DNAH3: variants seen among roughly 807,000 people sequenced by gnomAD.
DNAH3 encodes dynein axonemal heavy chain 3.
DNAH3 carries 332 observed loss-of-function variants against 432.5 expected under a neutral mutation model. That is an observed-to-expected ratio of 0.77 (90% CI 0.70 to 0.84). DNAH3 has a LOEUF of 0.84. DNAH3 is among the 40% of genes least tolerant of loss of function. The pLI is 0.00. For synonymous variants in DNAH3, 1,956 were observed against 1,900.2 expected (o/e 1.03, Z -0.76); for missense variants, 4,861 against 5,114.0 (o/e 0.95, Z 1.51).
intron 31 of DNAH3, among the ~76,000 whole-genome samples, chr16:21,042,811 T>A (rs2089507898): frequency 6.6e-6 from 1 of 152,164 alleles, no homozygotes; most frequent in South Asian, 2.1e-4. Context: ...CCCGATGCTA[T>A]CCCTCCCCAC....
Position 20,969,780 on chromosome 16 carries a change from G to C in DNAH3, c.8458+12C>G. The C allele has an allele frequency of 6.2e-7, 1 of 1,613,876 alleles. No homozygotes were observed. Among genetic ancestry groups the C allele is most frequent in the South Asian group, 1.1e-5 (1 of 91,062 alleles). Reference sequence around the variant, plus strand: ...GCAGCCTGTGCAGGCATCTGGGTGGGGTGGCACTTACCGGAGCCACTGGGG... The same window carrying C: ...GCAGCCTGTGCAGGCATCTGGGTGGCGTGGCACTTACCGGAGCCACTGGGG... On this transcript the variant is annotated intron_variant, in intron 52 of 61. Coordinates refer to ENST00000261383, the Ensembl canonical transcript of DNAH3.
chr16:21,018,246 T>G (rs1382878658), intron 41 of DNAH3, among the ~76,000 whole-genome samples: 1 of 152,234 alleles, frequency 6.6e-6, no homozygotes, highest in Non-Finnish European at 1.5e-5. Context: ...CTCATGGCCC[T>G]TGATACATGT....
intron 44 of DNAH3, chr16:20,997,001 C>T (rs2086789488): frequency 3.1e-6 from 1 of 322,700 alleles, no homozygotes; most frequent in African/African-American, 2.1e-5. Flanking sequence ...ATGGAGCCTC[C>T]CTCCCGGAAC....
intron 7 of DNAH3, among the ~76,000 whole-genome samples, chr16:21,132,544 T>TGGC (rs1199886797): frequency 6.6e-6 from 1 of 152,192 alleles, no homozygotes; most frequent in African/African-American, 2.4e-5. Context: ...ATCCAATGGA[T>TGGC]TAGTATGCCG....
chr16:21,090,386 A>C (rs1236747212), intron 18 of DNAH3, among the ~76,000 whole-genome samples: 29 of 139,786 alleles, frequency 2.1e-4, no homozygotes, highest in Admixed American at 5.5e-4. Context: ...AAAAAAAAAA[A>C]CCCTACAGAC....
chr16:21,131,626 G>A (rs1252356353), intron 7 of DNAH3, among the ~76,000 whole-genome samples: 3 of 151,894 alleles, frequency 2.0e-5, no homozygotes, highest in African/African-American at 7.3e-5. Context: ...GAGGCAGGTG[G>A]ATCACCTGAG....
At chr16:20,963,228 T>C in intron 53 of DNAH3, 56 bp downstream of exon 53, 1 of 1,521,998 alleles carries the variant, frequency 6.6e-7, no homozygotes, top group Non-Finnish European at 9.0e-7. Flanking sequence ...GGGCTACTGA[T>C]ATCCACCCAC....
intron 36 of DNAH3, among the ~76,000 whole-genome samples, chr16:21,031,719 A>G (rs942410258): frequency 6.6e-6 from 1 of 152,166 alleles, no homozygotes; most frequent in Non-Finnish European, 1.5e-5. Flanking sequence ...AAATAGGGCA[A>G]ATGTGCCAGT....
chr16:21,097,729 T>A (rs1167784767), intron 17 of DNAH3, among the ~76,000 whole-genome samples: 1 of 152,232 alleles, frequency 6.6e-6, no homozygotes, highest in African/African-American at 2.4e-5. Context: ...GATAATCAGC[T>A]ACTTGCCCTA....
At chr16:20,963,201 T>A (rs1427750241) in intron 53 of DNAH3, 83 bp downstream of exon 53, 2 of 1,340,562 alleles carry the variant, frequency 1.5e-6, no homozygotes, top group East Asian at 4.7e-5. Context: ...GAACTTGAGA[T>A]CCCTGCTGTA....
At position 20,980,260 on chromosome 16, in the gene DNAH3, TTATATTATAATATACATCA is replaced by T. The variant is rs1316396032; in HGVS notation, c.7860-733_7860-715del. On this transcript the variant is annotated intron_variant, in intron 49 of 61. Transcript: ENST00000261383. The stretch of plus-strand genomic sequence containing the variant: ...TTATATATATAATATACATCATATA[TTATATTATAATATACATCA>T]TATATTATAATATACATCATATATT... Among the ~76,000 whole-genome samples, 945 of 128,986 alleles carry T rather than the reference TTATATTATAATATACATCA, an allele frequency of 7.3e-3. 8 individuals carry two copies. The highest frequency in any genetic ancestry group is 0.019 in the African/African-American group (703 of 36,414). The allele number at this position is 128,986 out of a possible 152,430, so 84.6% of individuals were successfully genotyped here.
At position 20,968,232 on chromosome 16, in the gene DNAH3, C is replaced by T. The variant is rs937185618; in HGVS notation, c.8458+1560G>A. Reference sequence around the variant, plus strand: ...TACAGACATGCGCCAGCATGCCTGGCGAAATTTTGCATTTTTTGTAGAGAT... The same window carrying T: ...TACAGACATGCGCCAGCATGCCTGGTGAAATTTTGCATTTTTTGTAGAGAT... On this transcript the variant is annotated intron_variant, in intron 52 of 61. Transcript: ENST00000261383. 2.0e-5 allele frequency among the ~76,000 whole-genome samples: 3 copies of T among 152,148 alleles called. No individual in the cohort carries two copies. The East Asian group carries it at 5.8e-4, about 30-fold the overall frequency.
At chr16:20,975,699 G>A in intron 50 of DNAH3, among the ~76,000 whole-genome samples, 1 of 152,178 alleles carries the variant, frequency 6.6e-6, no homozygotes, top group East Asian at 1.9e-4. Flanking sequence ...CCCTCACTGA[G>A]TCTATATTGT....
At chr16:21,080,151 G>T (rs1013478608) in intron 20 of DNAH3, among the ~76,000 whole-genome samples, 5 of 152,176 alleles carry the variant, frequency 3.3e-5, no homozygotes, top group African/African-American at 1.2e-4. Flanking sequence ...ACAAAAATTA[G>T]CCAGGCATGG....
At chr16:20,976,720 T>C (rs1427481005) in intron 50 of DNAH3, among the ~76,000 whole-genome samples, 1 of 152,176 alleles carries the variant, frequency 6.6e-6, no homozygotes, top group African/African-American at 2.4e-5. Context: ...GAGGCCCACA[T>C]GATGGGGTAA....
At chr16:21,029,461 A>G (rs1052984063) in intron 37 of DNAH3, among the ~76,000 whole-genome samples, 4 of 152,222 alleles carry the variant, frequency 2.6e-5, no homozygotes, top group Non-Finnish European at 4.4e-5. Context: ...AGAGGTGTAT[A>G]AATAGTAACT....
rs563618095 is a variant in DNAH3 at position 21,142,181 on chromosome 16, A to G, written c.449-809T>C. The stretch of plus-strand genomic sequence containing the variant: ...GGAGTTGGAGACCAGCCTGACCAAC[A>G]TGGTGAAATCCCCCATCTCTACTAA... On this transcript the variant is annotated intron_variant, in intron 3 of 61. Coordinates refer to ENST00000261383, the Ensembl canonical transcript of DNAH3. 2.6e-5 allele frequency among the ~76,000 whole-genome samples: 4 copies of G among 152,268 alleles called. No homozygotes were observed. The East Asian group carries it at 7.7e-4, about 29-fold the overall frequency.
intron 24 of DNAH3, among the ~76,000 whole-genome samples, chr16:21,064,990 T>C (rs2090494465): frequency 6.6e-6 from 1 of 151,974 alleles, no homozygotes. Flanking sequence ...AGCTTGATCA[T>C]TTTACCAGTC....
chr16:21,024,460 T>C (rs2088430445), intron 39 of DNAH3, 136 bp downstream of exon 39: 1 of 610,806 alleles, frequency 1.6e-6, no homozygotes, highest in Admixed American at 3.4e-5. Flanking sequence ...GGAAACAAGA[T>C]AACTGGGGAC....
Sources: gnomAD v4.1 joint callset for allele counts (sites outside exome capture counted in the v4.1 genomes callset) on GRCh38, gnomAD v4.1.1 for gene constraint, MANE v1.5 for transcripts, NCBI Gene and HGNC (gene_info 2026-07-23, HGNC 2026-07-21) for gene names.